Variants in DMBX1 observed in about 807,000 individuals in gnomAD.
DMBX1 encodes the protein diencephalon/mesencephalon homeobox 1.
In DMBX1, 7 loss-of-function variants were observed where a neutral mutation model predicts 30.4. That is an observed-to-expected ratio of 0.23 (90% CI 0.13 to 0.43). The LOEUF is 0.43. DMBX1 is among the 20% of genes least tolerant of loss of function. The pLI is 1.00. For missense variants in DMBX1, 460 were observed against 508.5 expected (o/e 0.90, Z 0.92); for synonymous variants, 222 against 214.2 (o/e 1.04, Z -0.32).
chr1:46,492,473 A>G lies in DMBX1; in HGVS notation c.-13+1690A>G, dbSNP rs908694705. Among the ~76,000 whole-genome samples the G allele has an allele frequency of 3.3e-5, 5 of 152,166 alleles. No individual in the cohort carries two copies. In the South Asian group the frequency reaches 6.2e-4, roughly 19 times the overall value. On this transcript the variant is annotated intron_variant, in intron 2 of 5. Coordinates refer to ENST00000360032, the MANE Select transcript of DMBX1 (RefSeq NM_172225.2). Reference sequence around the variant, plus strand: ...TACAGCCTAAAATGAGGAGTCCACCATAGCCCTTAGTGCCAGCCTCTTGGA... The same window carrying G: ...TACAGCCTAAAATGAGGAGTCCACCGTAGCCCTTAGTGCCAGCCTCTTGGA...
chr1:46,516,063 A>C lies in DMBX1; in HGVS notation c.*3569A>C, dbSNP rs1666485377. Among the ~76,000 whole-genome samples, 2 of 152,210 alleles carry C rather than the reference A, an allele frequency of 1.3e-5. No homozygotes were observed. Among genetic ancestry groups the C allele is most frequent in the South Asian group, 4.1e-4 (2 of 4,832 alleles). ...ATTTATTCTGTTAGTGGAAAAAAAC[A>C]AGACTTAATTCACCCCTGCCTGTCC... On this transcript the variant is annotated 3_prime_UTR_variant, in exon 6 of 6. Coordinates refer to ENST00000360032, the MANE Select transcript of DMBX1 (RefSeq NM_172225.2).
In DMBX1 at chr1:46,515,710, T is replaced by A. The variant is rs1666477751; in HGVS notation, c.*3216T>A. Among the ~76,000 whole-genome samples, 1 of 152,230 alleles carries A rather than the reference T, an allele frequency of 6.6e-6. No homozygotes were observed. Among genetic ancestry groups the A allele is most frequent in the Non-Finnish European group, 1.5e-5 (1 of 68,038 alleles). On this transcript the variant is annotated 3_prime_UTR_variant, in exon 6 of 6. Transcript: ENST00000360032. ...AGCACGCTTGTAAGCAGCACCGCGC[T>A]TCCCTTCTTGTGGGCAGAGGGTACA...
chr1:46,502,341 A>G (rs1449779584), intron 2 of DMBX1, among the ~76,000 whole-genome samples: 1 of 145,370 alleles, frequency 6.9e-6, no homozygotes, highest in Non-Finnish European at 1.5e-5. Context: ...GCTGTTCAGG[A>G]TGGAAACCTG....
chr1:46,490,402 A>C (rs537546794), intron 1 of DMBX1, among the ~76,000 whole-genome samples: 1 of 152,204 alleles, frequency 6.6e-6, no homozygotes, highest in South Asian at 2.1e-4. Context: ...AAGCGGAGAC[A>C]AATCCTTCTC....
rs557877697 is a variant in DMBX1 at position 46,513,918 on chromosome 1, C to T, written c.*1424C>T. ...TAGCCAGGAAACCCAGCTCAGCAAA[C>T]TCCCTTTCAAAGCTGTGTGACCGGC... On this transcript the variant is annotated 3_prime_UTR_variant, in exon 6 of 6. Coordinates refer to ENST00000360032, the MANE Select transcript of DMBX1 (RefSeq NM_172225.2). The T allele has an allele frequency of 6.6e-6, 1 of 152,412 alleles. No homozygotes were observed. Among genetic ancestry groups the T allele is most frequent in the South Asian group, 2.1e-4 (1 of 4,828 alleles). The allele number at this position is 152,412 out of a possible 1,614,324, so 9.4% of individuals were successfully genotyped here.
chr1:46,511,078 T>G lies in DMBX1; in HGVS notation c.477T>G (p.Thr159=), dbSNP rs751884587. ...CCACTCCAGATACCCAGCTGGACAC[T>G]GAGCAGCCCCCACGTCTGCCTGGCA... ...EAPTPDTQLD[T]EQPPRLPGSD... is the part of the protein sequence containing the mutation. Residue 159 remains threonine (T), a synonymous_variant, in exon 5 of 6, where the codon ACT becomes ACG. Transcript: ENST00000360032. 2 of 1,614,042 alleles carry G rather than the reference T, an allele frequency of 1.2e-6. No individual in the cohort carries two copies. Among genetic ancestry groups the G allele is most frequent in the East Asian group, 2.2e-5 (1 of 44,880 alleles).
rs975045772 is a variant in DMBX1 at position 46,510,710 on chromosome 1, G to A, written c.333+56G>A. 1 of 1,569,076 alleles carries A rather than the reference G, an allele frequency of 6.4e-7. No homozygotes were observed. Reference sequence around the variant, plus strand: ...CAGACAAACACCAGCCCATCAGTCTGCCCGCTTGTCCAGGAGCCAGCATGT... The same window carrying A: ...CAGACAAACACCAGCCCATCAGTCTACCCGCTTGTCCAGGAGCCAGCATGT... On this transcript the variant is annotated intron_variant, in intron 4 of 5. Transcript: ENST00000360032. This position sits in a 1 kb window ranked among gnomAD's most constrained non-coding sequence, Gnocchi z 4.1.
intron 1 of DMBX1, among the ~76,000 whole-genome samples, 166 bp from the exon 2 acceptor site, chr1:46,490,478 G>A (rs574561720): frequency 1.3e-5 from 2 of 152,152 alleles, no homozygotes; most frequent in South Asian, 4.1e-4. Context: ...GCGGCCTGGG[G>A]AGTTGCGGAG....
chr1:46,500,399 G>A (rs1666101030), intron 2 of DMBX1, among the ~76,000 whole-genome samples: 1 of 152,060 alleles, frequency 6.6e-6, no homozygotes, highest in Non-Finnish European at 1.5e-5. Flanking sequence ...GAGTTTGGTG[G>A]GGGAGGGGCA....
At chr1:46,511,354 G>T in intron 5 of DMBX1, 71 bp downstream of exon 5, 1 of 1,414,662 alleles carries the variant, frequency 7.1e-7, no homozygotes, top group South Asian at 1.5e-5. Context: ...AGTCAGAGGC[G>T]AGTAATCAAC....
intron 2 of DMBX1, among the ~76,000 whole-genome samples, chr1:46,502,370 C>T (rs75756399): frequency 0.033 from 3,905 of 117,970 alleles, 159 homozygotes; most frequent in African/African-American, 0.11. Flanking sequence ...TTTTTTTTTT[C>T]CCCTCTTTTC....
intron 2 of DMBX1, among the ~76,000 whole-genome samples, chr1:46,501,240 T>TCCA (rs1666126190): frequency 7.6e-6 from 1 of 132,254 alleles, no homozygotes. Flanking sequence ...CTTTCTTTCT[T>TCCA]TCTTTCTTTC....
At chr1:46,498,465 T>G (rs1175960975) in intron 2 of DMBX1, among the ~76,000 whole-genome samples, 1 of 150,310 alleles carries the variant, frequency 6.7e-6, no homozygotes, top group Non-Finnish European at 1.5e-5. Flanking sequence ...CTCTCCTTGC[T>G]TTTTTTTTCT....
At chr1:46,506,798 C>T (rs1304941514) in intron 2 of DMBX1, among the ~76,000 whole-genome samples, 2 of 152,184 alleles carry the variant, frequency 1.3e-5, no homozygotes, top group African/African-American at 2.4e-5. Flanking sequence ...CCGAGTGAAT[C>T]GATGAATGAG....
At position 46,512,890 on chromosome 1, in the gene DMBX1, C is replaced by T; in HGVS notation, c.*396C>T. 5.9e-6 allele frequency: 1 copy of T among 168,900 alleles called. No homozygotes were observed. The highest frequency in any genetic ancestry group is 1.3e-5 in the Non-Finnish European group (1 of 78,852). 10.5% of individuals were successfully genotyped at this position (168,900 alleles called of 1,614,324 possible). A position where few individuals can be genotyped will look rare whatever the true frequency, so the allele number is the denominator to read the frequency against. On this transcript the variant is annotated 3_prime_UTR_variant, in exon 6 of 6. Transcript: ENST00000360032. This position sits in a 1 kb window ranked among gnomAD's most constrained non-coding sequence, Gnocchi z 4.8. ...AAATATATAAAGCTATATTTTCAGG[C>T]TCCTGCCTGCCCCAGGCCCCCTGCC...
intron 2 of DMBX1, among the ~76,000 whole-genome samples, chr1:46,497,893 C>T (rs868862933): frequency 6.6e-6 from 1 of 152,238 alleles, no homozygotes; most frequent in African/African-American, 2.4e-5. Context: ...AACGCGGCCG[C>T]GCCGTGATGG....
intron 2 of DMBX1, among the ~76,000 whole-genome samples, chr1:46,495,736 G>A (rs1217888213): frequency 2.6e-5 from 4 of 152,176 alleles, no homozygotes; most frequent in African/African-American, 7.2e-5. Context: ...TTCTGAATCT[G>A]TAAGATGGGG....
chr1:46,507,114 C>A lies in DMBX1; in HGVS notation c.104C>A (p.Pro35His). Residue 35 changes from proline to histidine, a missense_variant, in exon 3 of 6, where the codon CCC becomes CAC. Physicochemically the swap from Pro to His is moderately conservative, Grantham distance 77. Transcript: ENST00000360032. ...QQAAQQAQHA[P>H]DYRPSVHALT... ...GCAGCCCAGCAGGCCCAGCATGCCC[C>A]CGACTACCGGCCTTCAGTGCATGCG... 1 of 1,614,228 alleles carries A rather than the reference C, an allele frequency of 6.2e-7. No homozygotes were observed. Among genetic ancestry groups the A allele is most frequent in the Non-Finnish European group, 8.5e-7 (1 of 1,180,042 alleles).
At chr1:46,502,924 T>G (rs1424148083) in intron 2 of DMBX1, among the ~76,000 whole-genome samples, 1 of 152,162 alleles carries the variant, frequency 6.6e-6, no homozygotes, top group East Asian at 1.9e-4. Context: ...CAGATCATAT[T>G]ATGTTACTTC....
Sources: allele counts gnomAD v4.1 joint callset (sites outside exome capture counted in the v4.1 genomes callset), GRCh38; gene constraint gnomAD v4.1.1; non-coding constraint Gnocchi (gnomAD v3.1); transcripts MANE v1.5; gene names NCBI Gene and HGNC (gene_info 2026-07-23, HGNC 2026-07-21).